CCDC91: variants seen among roughly 807,000 people sequenced by gnomAD.
CCDC91 encodes coiled-coil domain-containing protein 91.
CCDC91 carries 48 observed loss-of-function variants against 63.2 expected under a neutral mutation model. The ratio of observed to expected loss-of-function variants is 0.76; its 90% CI spans 0.60 to 0.97. CCDC91 has a LOEUF of 0.97. CCDC91 is among the 50% of genes least tolerant of loss of function. The pLI, the probability that CCDC91 is intolerant of heterozygous loss-of-function variation, is 0.00. For missense variants in CCDC91, 500 were observed against 494.6 expected, an observed-to-expected ratio of 1.01 and a Z score of -0.10; for synonymous variants, 167 against 165.8, an observed-to-expected ratio of 1.01 and a Z score of -0.06.
chr12:28,259,516 C>T (rs1946683446), intron 3 of CCDC91, 74 bp downstream of exon 3: 1 of 920,304 alleles, frequency 1.1e-6, no homozygotes. Context: ...CTTTGAAACC[C>T]TATTTCTCAA....
chr12:28,425,045 T>G (rs1337617195), intron 8 of CCDC91, among the ~76,000 whole-genome samples: 3 of 152,150 alleles, frequency 2.0e-5, no homozygotes, highest in Non-Finnish European at 4.4e-5. Flanking sequence ...AAAAACCTAT[T>G]GTGATTTTTT....
intron 8 of CCDC91, among the ~76,000 whole-genome samples, chr12:28,419,793 A>G (rs1053317198): frequency 6.7e-6 from 1 of 150,256 alleles, no homozygotes; most frequent in Non-Finnish European, 1.5e-5. Flanking sequence ...ATCTCACTCC[A>G]TCGCCCATGC....
intron 1 of CCDC91, among the ~76,000 whole-genome samples, chr12:28,209,257 C>T (rs1209219670): frequency 6.6e-6 from 1 of 152,170 alleles, no homozygotes; most frequent in Non-Finnish European, 1.5e-5. Flanking sequence ...GTGAGATTCT[C>T]ATAAACCTTT....
chr12:28,369,080 A>G (rs867329127), intron 7 of CCDC91, among the ~76,000 whole-genome samples: 1 of 152,134 alleles, frequency 6.6e-6, no homozygotes, highest in African/African-American at 2.4e-5. Context: ...CTCACATTTC[A>G]AAATACAATT....
At chr12:28,506,810 G>T (rs1477510742) in intron 12 of CCDC91, among the ~76,000 whole-genome samples, 1 of 151,484 alleles carries the variant, frequency 6.6e-6, no homozygotes, top group Non-Finnish European at 1.5e-5. Context: ...TCTTGACAGA[G>T]CTGTGTATTA....
intron 3 of CCDC91, chr12:28,268,761 A>T: frequency 1.4e-6 from 1 of 704,664 alleles, no homozygotes; most frequent in Non-Finnish European, 1.7e-6. Flanking sequence ...GATTTTACCT[A>T]AAATCTACTG....
intron 12 of CCDC91, among the ~76,000 whole-genome samples, chr12:28,525,688 G>T (rs1307929333): frequency 6.6e-6 from 1 of 152,030 alleles, no homozygotes; most frequent in Non-Finnish European, 1.5e-5. Context: ...GTCTCGTGCT[G>T]TCAGTGTAGT....
chr12:28,374,096 T>C (rs1358803774), intron 7 of CCDC91, among the ~76,000 whole-genome samples: 4 of 152,194 alleles, frequency 2.6e-5, no homozygotes, highest in Non-Finnish European at 4.4e-5. Flanking sequence ...ACTTAACAGA[T>C]GACATTCTGG....
At chr12:28,422,251 G>C (rs908096132) in intron 8 of CCDC91, among the ~76,000 whole-genome samples, 11 of 151,902 alleles carry the variant, frequency 7.2e-5, no homozygotes, top group African/African-American at 9.7e-5. Context: ...AATTCAAGTG[G>C]AATTTATCCA....
intron 6 of CCDC91, among the ~76,000 whole-genome samples, chr12:28,308,719 A>G (rs1939003762): frequency 6.6e-6 from 1 of 151,990 alleles, no homozygotes; most frequent in South Asian, 2.1e-4. Context: ...TTTCCAGACA[A>G]TGCTGACATC....
intron 12 of CCDC91, among the ~76,000 whole-genome samples, chr12:28,500,458 A>G (rs1395649242): frequency 6.6e-6 from 1 of 152,006 alleles, no homozygotes; most frequent in African/African-American, 2.4e-5. Context: ...GTTTTCTTCT[A>G]GGGGCACCTC....
At chr12:28,389,063 G>A (rs1282264646) in intron 7 of CCDC91, among the ~76,000 whole-genome samples, 3 of 152,184 alleles carry the variant, frequency 2.0e-5, no homozygotes, top group African/African-American at 7.2e-5. Context: ...AGAGTAAACA[G>A]ACGACCCACA....
intron 3 of CCDC91, among the ~76,000 whole-genome samples, chr12:28,278,268 G>C (rs2136514929): frequency 6.6e-6 from 1 of 151,952 alleles, no homozygotes; most frequent in South Asian, 2.1e-4. Context: ...CTACTATTCT[G>C]ATCTTCCCTT....
At chr12:28,406,733 A>G (rs1206886352) in intron 8 of CCDC91, among the ~76,000 whole-genome samples, 1 of 147,386 alleles carries the variant, frequency 6.8e-6, no homozygotes, top group African/African-American at 2.4e-5. Flanking sequence ...GTTCTATTAA[A>G]GTTTTATAGT....
chr12:28,422,052 T>C (rs770873142), intron 8 of CCDC91, among the ~76,000 whole-genome samples: 21 of 152,170 alleles, frequency 1.4e-4, no homozygotes, highest in Admixed American at 2.6e-4. Flanking sequence ...TAATAGTCTT[T>C]GAAACGGTGG....
At position 28,548,687 on chromosome 12, in the gene CCDC91, G is replaced by A. The variant is rs558198662; in HGVS notation, c.1216-376G>A. 1.1e-4 allele frequency among the ~76,000 whole-genome samples: 17 copies of A among 152,138 alleles called. No homozygotes were observed. The South Asian group carries it at 3.5e-3, about 32-fold the overall frequency. On this transcript the variant is annotated intron_variant, in intron 12 of 12. Transcript: ENST00000536442. ...CCTGTGTATGATGTGATTATGCTGT[G>A]TTTCTGTGCTATGTACTTATTTTGT...
At chr12:28,392,483 G>A (rs1204029008) in intron 8 of CCDC91, among the ~76,000 whole-genome samples, 9 of 152,116 alleles carry the variant, frequency 5.9e-5, no homozygotes, top group African/African-American at 9.7e-5. Context: ...AAAGAGAGCC[G>A]TGTTAGATTT....
chr12:28,191,353 T>A (rs1448693781), intron 1 of CCDC91: 1 of 152,318 alleles, frequency 6.6e-6, no homozygotes, highest in African/African-American at 2.4e-5. Flanking sequence ...ATGTTGCTGC[T>A]GCTACTCTCA....
chr12:28,246,987 G>C (rs1295950674), intron 1 of CCDC91, among the ~76,000 whole-genome samples: 1 of 152,206 alleles, frequency 6.6e-6, no homozygotes, highest in Non-Finnish European at 1.5e-5. Flanking sequence ...GAGTATCTTA[G>C]AGTGTAATAC....
Sources: allele counts gnomAD v4.1 joint callset (sites outside exome capture counted in the v4.1 genomes callset), GRCh38; gene constraint gnomAD v4.1.1; transcripts MANE v1.5; gene names NCBI Gene and HGNC (gene_info 2026-07-23, HGNC 2026-07-21).